The following MUSK variants were observed in gnomAD, a reference collection of about 807,000 sequenced individuals.
MUSK encodes muscle associated receptor tyrosine kinase, also known as muscle, skeletal receptor tyrosine-protein kinase.
In MUSK, 55 loss-of-function variants were observed where a neutral mutation model predicts 88.7. The ratio of observed to expected loss-of-function variants is 0.62; its 90% CI spans 0.50 to 0.78. The LOEUF (loss-of-function observed/expected upper bound fraction) is 0.78. MUSK is among the 30% of genes least tolerant of loss of function. The pLI is 0.00. For synonymous variants in MUSK, 387 were observed against 391.9 expected, an observed-to-expected ratio of 0.99 and a Z score of 0.15; for missense variants, 1,015 against 1,074.3, an observed-to-expected ratio of 0.94 and a Z score of 0.77.
intron 11 of MUSK, among the ~76,000 whole-genome samples, chr9:110,779,327 G>T (rs938977961): frequency 2.0e-5 from 3 of 151,990 alleles, no homozygotes. Context: ...CAACAATTTA[G>T]CTATGTAGAA....
intron 5 of MUSK, among the ~76,000 whole-genome samples, chr9:110,724,583 C>T (rs560948121): frequency 6.1e-4 from 93 of 152,144 alleles, no homozygotes; most frequent in African/African-American, 2.1e-3. Flanking sequence ...ATATAGTACA[C>T]TTCTAGAGAA....
chr9:110,784,916 G>C lies in MUSK; in HGVS notation c.1486G>C (p.Val496Leu), dbSNP rs2077828116. The C allele has an allele frequency of 2.5e-6, 4 of 1,613,706 alleles. No homozygotes were observed. The African/African-American group carries it at 5.3e-5, about 22-fold the overall frequency. The change falls in exon 12 of 15, where the codon GTA (valine) becomes CTA (leucine). Residue 496 changes from valine to leucine, a missense_variant. Val to Leu is a conservative substitution (Grantham distance 32). Coordinates refer to ENST00000374448, the MANE Select transcript of MUSK (RefSeq NM_005592.4). Reference protein sequence around the residue: ...FSVSPTYSMTVIISIMSSFAI... With the variant: ...FSVSPTYSMTLIISIMSSFAI... ...TGTCTCACCTACATACTCCATGACT[G>C]TAATAATCTCCATCATGTCCAGCTT...
At chr9:110,782,848 C>G (rs184615166) in intron 11 of MUSK, among the ~76,000 whole-genome samples, 3 of 152,286 alleles carry the variant, frequency 2.0e-5, no homozygotes, top group African/African-American at 7.2e-5. Context: ...ATGAGGCATG[C>G]TGTCACTGAT....
At chr9:110,744,431 G>T in intron 6 of MUSK, among the ~76,000 whole-genome samples, 1 of 152,174 alleles carries the variant, frequency 6.6e-6, no homozygotes, top group East Asian at 1.9e-4. Context: ...TCTCAAGACC[G>T]CATTAGTAAT....
At chr9:110,718,655 A>G (rs1472763620) in intron 5 of MUSK, among the ~76,000 whole-genome samples, 1 of 152,156 alleles carries the variant, frequency 6.6e-6, no homozygotes, top group Non-Finnish European at 1.5e-5. Context: ...TCTGGAAAAC[A>G]TATTTGAGGA....
At position 110,801,006 on chromosome 9, in the gene MUSK, TA is replaced by T; in HGVS notation, c.*22del. 2 of 1,497,456 alleles carry T rather than the reference TA, an allele frequency of 1.3e-6. No homozygotes were observed. Among genetic ancestry groups the T allele is most frequent in the Non-Finnish European group, 8.9e-7 (1 of 1,127,766 alleles). The allele number at this position is 1,497,456 out of a possible 1,614,324, so 92.8% of individuals were successfully genotyped here. ...GTGTCTAAGGTTGAAGACGTTCAAATAAAATGCTGCAGTTTCCTCTCAGACT... is the reference window on the plus strand; with the variant it reads ...GTGTCTAAGGTTGAAGACGTTCAAATAAATGCTGCAGTTTCCTCTCAGACT... On this transcript the variant is annotated 3_prime_UTR_variant, in exon 15 of 15. Transcript: ENST00000374448.
At chr9:110,748,423 A>C (rs983008198) in intron 7 of MUSK, among the ~76,000 whole-genome samples, 2 of 152,156 alleles carry the variant, frequency 1.3e-5, no homozygotes, top group Non-Finnish European at 2.9e-5. Context: ...AGCAAGCCAC[A>C]GCAGGTCTTA....
chr9:110,789,550 G>A (rs566484041), intron 14 of MUSK, among the ~76,000 whole-genome samples: 3 of 152,260 alleles, frequency 2.0e-5, no homozygotes, highest in Middle Eastern at 6.8e-3. Context: ...AGGCCGAGGC[G>A]AGCAGATCAC....
rs748733569 is a variant in MUSK at position 110,747,838 on chromosome 9, G to A, written c.913+38G>A. The A allele has an allele frequency of 3.4e-5, 54 of 1,602,108 alleles. No individual in the cohort carries two copies. In the African/African-American group the frequency reaches 6.7e-4, roughly 20 times the overall value. Reference sequence around the variant, plus strand: ...TTCACATTTGCGTTGTTCCAGGAGAGGGGAGAGTTGATACTATTCTACAAT... The same window carrying A: ...TTCACATTTGCGTTGTTCCAGGAGAAGGGAGAGTTGATACTATTCTACAAT... On this transcript the variant is annotated intron_variant, in intron 7 of 14. Transcript: ENST00000374448.
chr9:110,754,464 TCCTC>T (rs2077286401), intron 7 of MUSK, among the ~76,000 whole-genome samples: 1 of 152,176 alleles, frequency 6.6e-6, no homozygotes, highest in South Asian at 2.1e-4. Flanking sequence ...TTGGACCCCT[TCCTC>T]ATCTCCTAGC....
At chr9:110,787,897 T>C in intron 14 of MUSK, 59 bp downstream of exon 14, 2 of 1,550,714 alleles carry the variant, frequency 1.3e-6, no homozygotes, top group Non-Finnish European at 1.8e-6. Flanking sequence ...TTCCAAGTTT[T>C]TCTCCCCTTG....
chr9:110,717,800 G>T (rs1273410355), intron 5 of MUSK, among the ~76,000 whole-genome samples: 1 of 151,944 alleles, frequency 6.6e-6, no homozygotes. Flanking sequence ...TTCTGTCATT[G>T]TAACTATAAT....
rs1320294667 is a variant in MUSK at position 110,806,099 on chromosome 9, AC to A, written c.*5113del. Among the ~76,000 whole-genome samples, 2 of 152,152 alleles carry A rather than the reference AC, an allele frequency of 1.3e-5. No homozygotes were observed. Among genetic ancestry groups the A allele is most frequent in the Non-Finnish European group, 2.9e-5 (2 of 67,980 alleles). On this transcript the variant is annotated 3_prime_UTR_variant, in exon 15 of 15. Transcript: ENST00000374448. Reference sequence around the variant, plus strand: ...ATCTCTAGTCCCAGCCTAAGTGCTAACCACTTCACCCATTTATAGTGTTAGT... The same window carrying A: ...ATCTCTAGTCCCAGCCTAAGTGCTAACACTTCACCCATTTATAGTGTTAGT...
intron 5 of MUSK, among the ~76,000 whole-genome samples, chr9:110,729,052 TAA>T (rs1009264712): frequency 3.3e-5 from 5 of 151,776 alleles, no homozygotes; most frequent in South Asian, 2.1e-4. Flanking sequence ...ACCCTTTGAC[TAA>T]AAGACTTTTG....
chr9:110,703,468 T>G (rs560699848), intron 5 of MUSK, among the ~76,000 whole-genome samples: 1 of 151,924 alleles, frequency 6.6e-6, no homozygotes, highest in Non-Finnish European at 1.5e-5. Flanking sequence ...AGGCAGAGGT[T>G]GCAGTGAGCC....
At chr9:110,731,657 T>A in intron 5 of MUSK, among the ~76,000 whole-genome samples, 1 of 152,090 alleles carries the variant, frequency 6.6e-6, no homozygotes, top group East Asian at 1.9e-4. Context: ...GAGAAGTTTA[T>A]CAGCAGTCTC....
At chr9:110,713,548 C>A (rs2076703756) in intron 5 of MUSK, among the ~76,000 whole-genome samples, 1 of 152,128 alleles carries the variant, frequency 6.6e-6, no homozygotes. Context: ...GTGTGAGCCA[C>A]CATGCCTAGC....
chr9:110,686,442 T>A (rs913926959), intron 2 of MUSK, among the ~76,000 whole-genome samples: 1 of 152,134 alleles, frequency 6.6e-6, no homozygotes, highest in South Asian at 2.1e-4. Context: ...GCATTTGGCA[T>A]AAAAAAACTC....
intron 10 of MUSK, among the ~76,000 whole-genome samples, chr9:110,776,206 AT>A (rs1588026186): frequency 1.3e-5 from 2 of 152,200 alleles, no homozygotes; most frequent in African/African-American, 4.8e-5. Context: ...ACTGCTTGAC[AT>A]TTTAGATTCT....
Sources: allele counts gnomAD v4.1 joint callset (sites outside exome capture counted in the v4.1 genomes callset), GRCh38; gene constraint gnomAD v4.1.1; transcripts MANE v1.5; gene names NCBI Gene and HGNC (gene_info 2026-07-23, HGNC 2026-07-21).